Variants in FBXL13 observed in about 807,000 individuals in gnomAD.
The protein encoded by FBXL13 is F-box and leucine rich repeat protein 13.
FBXL13 carries 67 observed loss-of-function variants against 83.6 expected under a neutral mutation model. That is an observed-to-expected ratio of 0.80 (90% CI 0.66 to 0.98). The LOEUF is 0.98. FBXL13 is among the 50% of genes least tolerant of loss of function. The pLI, the probability that FBXL13 is intolerant of heterozygous loss-of-function variation, is 0.00. For missense variants in FBXL13, 822 were observed against 866.5 expected, an observed-to-expected ratio of 0.95 and a Z score of 0.64; for synonymous variants, 272 against 299.5, an observed-to-expected ratio of 0.91 and a Z score of 0.95.
chr7:103,063,716 T>TC (rs1231454147), intron 1 of FBXL13, among the ~76,000 whole-genome samples: 1 of 147,746 alleles, frequency 6.8e-6, no homozygotes, highest in African/African-American at 2.5e-5. Flanking sequence ...CTTAGGCTTT[T>TC]TTTTTTTTTT....
intron 2 of FBXL13, among the ~76,000 whole-genome samples, 161 bp downstream of exon 3, chr7:103,054,927 C>T (rs1797191152): frequency 6.6e-6 from 1 of 151,914 alleles, no homozygotes; most frequent in Non-Finnish European, 1.5e-5. Context: ...TGTGGCTTTG[C>T]ATGCGTCTGT....
At chr7:102,954,246 T>C (rs1823891575) in intron 8 of FBXL13, among the ~76,000 whole-genome samples, 1 of 152,194 alleles carries the variant, frequency 6.6e-6, no homozygotes, top group African/African-American at 2.4e-5. Context: ...TTTAACATTC[T>C]TAAAGAAAAT....
chr7:102,819,692 G>A (rs1045887346), intron 19 of FBXL13, among the ~76,000 whole-genome samples: 4 of 152,174 alleles, frequency 2.6e-5, no homozygotes, highest in Non-Finnish European at 5.9e-5. Context: ...TCCCAAGCCA[G>A]AAAAATCTCT....
intron 11 of FBXL13, among the ~76,000 whole-genome samples, chr7:102,908,137 A>G (rs535005292): frequency 1.3e-5 from 2 of 152,164 alleles, no homozygotes; most frequent in African/African-American, 4.8e-5. Flanking sequence ...CTCTGACTGC[A>G]TATTTTCAAA....
chr7:103,012,638 C>G (rs1209499098), intron 6 of FBXL13, among the ~76,000 whole-genome samples: 1 of 152,148 alleles, frequency 6.6e-6, no homozygotes, highest in Non-Finnish European at 1.5e-5. Flanking sequence ...ACATGCCTTA[C>G]AAGAGGTCCT....
intron 8 of FBXL13, among the ~76,000 whole-genome samples, chr7:102,960,430 T>C (rs1824999204): frequency 6.6e-6 from 1 of 152,018 alleles, no homozygotes; most frequent in Non-Finnish European, 1.5e-5. Flanking sequence ...TACCATTCCT[T>C]CTGAAACTAT....
At chr7:102,983,856 T>A (rs2129483729) in intron 6 of FBXL13, among the ~76,000 whole-genome samples, 1 of 152,282 alleles carries the variant, frequency 6.6e-6, no homozygotes, top group African/African-American at 2.4e-5. Flanking sequence ...CTCAGCCCTG[T>A]GGCTAAAGGA....
At chr7:103,048,705 A>G (rs1796524067) in intron 2 of FBXL13, among the ~76,000 whole-genome samples, 1 of 152,232 alleles carries the variant, frequency 6.6e-6, no homozygotes, top group Non-Finnish European at 1.5e-5. Flanking sequence ...CAATTTACAG[A>G]AAAACTGAAC....
chr7:102,959,420 A>C (rs985920348), intron 8 of FBXL13, among the ~76,000 whole-genome samples: 2 of 152,030 alleles, frequency 1.3e-5, no homozygotes, highest in Non-Finnish European at 2.9e-5. Flanking sequence ...GTGTACTTAA[A>C]AATCTATAGT....
At chr7:103,066,154 A>G (rs1210700136) in intron 1 of FBXL13, among the ~76,000 whole-genome samples, 3 of 152,244 alleles carry the variant, frequency 2.0e-5, no homozygotes, top group Non-Finnish European at 2.9e-5. Context: ...TATTATAATC[A>G]GCTGTCTAGT....
intron 11 of FBXL13, among the ~76,000 whole-genome samples, chr7:102,885,758 A>ATATT (rs1461763777): frequency 6.6e-6 from 1 of 152,022 alleles, no homozygotes; most frequent in Admixed American, 6.6e-5. Context: ...TTTGGCTCTT[A>ATATT]TATTTAGGTT....
intron 19 of FBXL13, among the ~76,000 whole-genome samples, chr7:102,817,986 G>T (rs1798235165): frequency 1.3e-5 from 2 of 152,136 alleles, no homozygotes; most frequent in Non-Finnish European, 2.9e-5. Flanking sequence ...CACATTAGAT[G>T]GTTAATAATA....
chr7:103,019,780 T>G (rs931390703), intron 6 of FBXL13, among the ~76,000 whole-genome samples: 2 of 152,136 alleles, frequency 1.3e-5, no homozygotes, highest in African/African-American at 4.8e-5. Flanking sequence ...CCAGAAGATG[T>G]TGAATCCCTG....
chr7:102,981,864 A>C (rs1828271054), intron 6 of FBXL13, among the ~76,000 whole-genome samples: 1 of 152,218 alleles, frequency 6.6e-6, no homozygotes, highest in South Asian at 2.1e-4. Context: ...CGGGACATAA[A>C]CATTCAGTCT....
intron 11 of FBXL13, among the ~76,000 whole-genome samples, chr7:102,896,063 T>C (rs924565803): frequency 5.9e-5 from 9 of 152,166 alleles, no homozygotes; most frequent in African/African-American, 2.2e-4. Flanking sequence ...CTTATGTTTT[T>C]GAAGAATAGA....
intron 8 of FBXL13, among the ~76,000 whole-genome samples, chr7:102,940,221 T>G (rs1457638439): frequency 3.4e-5 from 5 of 148,032 alleles, no homozygotes; most frequent in Non-Finnish European, 7.5e-5. Context: ...TTGTTTGTTT[T>G]TTTTTTTGAG....
intron 6 of FBXL13, among the ~76,000 whole-genome samples, chr7:102,982,095 ATAGT>A (rs890087143): frequency 9.9e-5 from 15 of 151,964 alleles, no homozygotes; most frequent in Admixed American, 4.6e-4. Flanking sequence ...CTTCTCCTTG[ATAGT>A]TAGGGTCAAT....
At chr7:103,055,620 A>G in intron 2 of FBXL13, 24 bp downstream of exon 2, 1 of 1,065,802 alleles carries the variant, frequency 9.4e-7, no homozygotes, top group Non-Finnish European at 1.2e-6. Context: ...ATATTTCCCT[A>G]TCAAAAATCA....
chr7:102,828,871 CCTT>C (rs997604007), intron 18 of FBXL13, among the ~76,000 whole-genome samples: 37 of 152,292 alleles, frequency 2.4e-4, no homozygotes, highest in African/African-American at 8.4e-4. Context: ...GGCTCAATCA[CCTT>C]CTCAGATGTA....
Sources: allele counts gnomAD v4.1 joint callset (sites outside exome capture counted in the v4.1 genomes callset), GRCh38; gene constraint gnomAD v4.1.1; transcripts MANE v1.5; gene names NCBI Gene and HGNC (gene_info 2026-07-23, HGNC 2026-07-21).